PSD3: variants seen among roughly 807,000 people sequenced by gnomAD.
PSD3 encodes the protein PH and SEC7 domain-containing protein 3.
In PSD3, 49 loss-of-function variants were observed where a neutral mutation model predicts 105.5. The observed-to-expected ratio is 0.46, with a 90% confidence interval of 0.37 to 0.59. The LOEUF (loss-of-function observed/expected upper bound fraction) is 0.59, where lower values mean the gene tolerates loss of function less well. Ranked by LOEUF, PSD3 falls within the 20% of genes least tolerant of loss-of-function variation. The pLI is 0.00. For synonymous variants in PSD3, 557 were observed against 457.8 expected (o/e 1.22, Z -2.77); for missense variants, 1,561 against 1,263.8 (o/e 1.24, Z -3.57).
At chr8:19,011,780 A>AC (rs1161711462) in intron 1 of PSD3, among the ~76,000 whole-genome samples, 3 of 151,910 alleles carry the variant, frequency 2.0e-5, no homozygotes, top group African/African-American at 7.2e-5. Context: ...AAAAAAAAAA[A>AC]AACAACAACA....
chr8:18,642,601 G>C (rs960021072), intron 10 of PSD3, among the ~76,000 whole-genome samples: 4 of 152,118 alleles, frequency 2.6e-5, no homozygotes, highest in African/African-American at 9.7e-5. Flanking sequence ...TTCTAAAAAT[G>C]CTTTAGGACA....
chr8:19,082,036 A>G (rs113174152), intron 1 of PSD3, among the ~76,000 whole-genome samples: 7 of 152,226 alleles, frequency 4.6e-5, no homozygotes, highest in African/African-American at 1.7e-4. Context: ...ATACTTTGCG[A>G]CAATTCATAT....
chr8:18,755,901 G>C (rs781625256), intron 9 of PSD3, among the ~76,000 whole-genome samples: 1 of 152,050 alleles, frequency 6.6e-6, no homozygotes, highest in Non-Finnish European at 1.5e-5. Context: ...TGATGAGCAC[G>C]TGATCGAAAG....
intron 9 of PSD3, chr8:18,732,780 G>A (rs987143085): frequency 1.1e-4 from 17 of 152,054 alleles, no homozygotes; most frequent in Non-Finnish European, 1.9e-4. Context: ...CAACATGTTC[G>A]TGCAGGGATG....
chr8:18,741,760 A>G (rs918168941), intron 9 of PSD3, among the ~76,000 whole-genome samples: 1 of 151,100 alleles, frequency 6.6e-6, no homozygotes, highest in African/African-American at 2.4e-5. Context: ...TGATACAACA[A>G]TATGGGCTTC....
intron 9 of PSD3, among the ~76,000 whole-genome samples, chr8:18,764,022 C>G (rs752798779): frequency 5.3e-5 from 8 of 152,174 alleles, no homozygotes; most frequent in Admixed American, 1.3e-4. Context: ...GAACAGTAGC[C>G]TCTGGACTGT....
intron 9 of PSD3, among the ~76,000 whole-genome samples, chr8:18,758,461 C>T (rs1806243423): frequency 6.7e-6 from 1 of 149,446 alleles, no homozygotes; most frequent in Non-Finnish European, 1.5e-5. Context: ...TTTGCTGTCA[C>T]TCCGTGTGAA....
chr8:18,637,062 G>A (rs974353987), intron 10 of PSD3, among the ~76,000 whole-genome samples: 4 of 152,112 alleles, frequency 2.6e-5, no homozygotes, highest in African/African-American at 9.7e-5. Context: ...GAGAAAACTG[G>A]CTTTCACGAT....
chr8:18,911,677 TTA>T (rs1423015769), intron 2 of PSD3, among the ~76,000 whole-genome samples: 6 of 152,188 alleles, frequency 3.9e-5, no homozygotes, highest in Admixed American at 3.3e-4. Context: ...AATGAAATCT[TTA>T]TGTTTGCTTT....
chr8:19,069,367 T>C (rs1010833310), intron 1 of PSD3, among the ~76,000 whole-genome samples: 1 of 151,818 alleles, frequency 6.6e-6, no homozygotes, highest in Admixed American at 6.6e-5. Context: ...ATTCTTCCAA[T>C]GGGGGAAGGG....
At chr8:18,886,411 A>T (rs1818455138) in intron 2 of PSD3, among the ~76,000 whole-genome samples, 1 of 152,192 alleles carries the variant, frequency 6.6e-6, no homozygotes, top group Non-Finnish European at 1.5e-5. Flanking sequence ...GAATAAATGC[A>T]AAATGCTCTC....
chr8:18,790,770 G>A (rs150004907), intron 8 of PSD3, among the ~76,000 whole-genome samples: 205 of 152,128 alleles, frequency 1.3e-3, no homozygotes, highest in African/African-American at 4.6e-3. Flanking sequence ...TAGGACCACC[G>A]AGAAGCTGCA....
intron 2 of PSD3, among the ~76,000 whole-genome samples, chr8:18,879,331 C>CTTT (rs1231812701): frequency 1.3e-4 from 20 of 152,164 alleles, no homozygotes; most frequent in African/African-American, 4.8e-4. Flanking sequence ...CCCTGCGTGA[C>CTTT]AGATTGCTTG....
chr8:18,888,002 A>T (rs552054450), intron 2 of PSD3, among the ~76,000 whole-genome samples: 1 of 152,332 alleles, frequency 6.6e-6, no homozygotes, highest in East Asian at 1.9e-4. Context: ...CCAAGATCAC[A>T]CGGCTAACGC....
intron 11 of PSD3, among the ~76,000 whole-genome samples, chr8:18,623,182 G>A (rs1806240830): frequency 6.6e-6 from 1 of 152,030 alleles, no homozygotes; most frequent in Admixed American, 6.5e-5. Flanking sequence ...ACTGTGTCTG[G>A]TCACCGTTTT....
chr8:18,911,134 A>G (rs2129464023), intron 2 of PSD3, among the ~76,000 whole-genome samples: 1 of 152,238 alleles, frequency 6.6e-6, no homozygotes, highest in East Asian at 1.9e-4. Context: ...TAAAACAGAT[A>G]AAAGAGGGAG....
At chr8:18,732,927 C>T (rs1803873787) in intron 9 of PSD3, 1 of 151,920 alleles carries the variant, frequency 6.6e-6, no homozygotes, top group African/African-American at 2.4e-5. Context: ...GGACGAAGTA[C>T]CTTGCCTACA....
At chr8:19,076,385 A>G (rs1181543134) in intron 1 of PSD3, among the ~76,000 whole-genome samples, 1 of 152,176 alleles carries the variant, frequency 6.6e-6, no homozygotes, top group Non-Finnish European at 1.5e-5. Flanking sequence ...CATAGGAATA[A>G]TAGTGAGAGG....
At chr8:19,004,880 C>T (rs1826579086) in intron 1 of PSD3, among the ~76,000 whole-genome samples, 1 of 152,032 alleles carries the variant, frequency 6.6e-6, no homozygotes, top group Non-Finnish European at 1.5e-5. Flanking sequence ...TGCCTGCTGC[C>T]ATACATGTAA....
Sources: allele counts gnomAD v4.1 joint callset (sites outside exome capture counted in the v4.1 genomes callset), GRCh38; gene constraint gnomAD v4.1.1; transcripts MANE v1.5; gene names NCBI Gene and HGNC (gene_info 2026-07-23, HGNC 2026-07-21).